KIF25: variants seen among roughly 807,000 people sequenced by gnomAD.
The protein encoded by KIF25 is kinesin family member 25.
Under a neutral mutation model 32.9 loss-of-function variants are expected in KIF25, and 19 were observed. The observed-to-expected ratio is 0.58, with a 90% CI of 0.40 to 0.85. The LOEUF is 0.85. Ranked by LOEUF, KIF25 falls within the 40% of genes least tolerant of loss-of-function variation. The probability of loss-of-function intolerance (pLI) is 0.00; values close to 1 mark genes in which losing one functional copy is unlikely to be tolerated. For missense variants in KIF25, 485 were observed against 507.0 expected (o/e 0.96, Z 0.42); for synonymous variants, 225 against 213.7 (o/e 1.05, Z -0.46).
At position 168,030,507 on chromosome 6, in the gene KIF25, CCCTT is replaced by C. The variant is rs758117773; in HGVS notation, c.93-249_93-246del. On this transcript the variant is annotated intron_variant, in intron 6 of 12. Coordinates refer to ENST00000643607, the MANE Select transcript of KIF25 (RefSeq NM_030615.4). ...TCCCGCTCTTCCCTCCCTTCCCCTT[CCCTT>C]CCTTCCTTCCTTCCTTTCTTGCAAG... 1.3e-3 allele frequency: 201 copies of C among 152,224 alleles called. 1 individual carries two copies. Among genetic ancestry groups the C allele is most frequent in the Admixed American group, 2.7e-3 (40 of 14,556 alleles). The allele number at this position is 152,224 out of a possible 1,614,324, so 9.4% of individuals were successfully genotyped here. A position where few individuals can be genotyped will look rare whatever the true frequency, so the allele number is the denominator to read the frequency against.
chr6:168,030,802 C>T lies in KIF25; in HGVS notation c.122C>T (p.Ala41Val), dbSNP rs199956268. 65 of 1,613,216 alleles carry T rather than the reference C, an allele frequency of 4.0e-5. No individual in the cohort carries two copies. The highest frequency in any genetic ancestry group is 5.3e-5 in the Non-Finnish European group (63 of 1,179,662). Residue 41 changes from alanine (A) to valine (V), a missense_variant, in exon 7 of 13, where the codon GCG becomes GTG. This residue lies in a region of KIF25 where 480 missense variants were observed against 470.3 expected (regional missense o/e 1.02). Coordinates refer to ENST00000643607, the MANE Select transcript of KIF25 (RefSeq NM_030615.4). ...RVYGPAESQS[A>V]VFGDVCPLLT... ...TATGGTCCAGCAGAGTCTCAGAGCGCGGTCTTTGGAGATGTGTGCCCCCTA... is the reference window on the plus strand; with the variant it reads ...TATGGTCCAGCAGAGTCTCAGAGCGTGGTCTTTGGAGATGTGTGCCCCCTA...
chr6:168,021,464 G>C (rs1030795466), intron 5 of KIF25, among the ~76,000 whole-genome samples: 1 of 152,224 alleles, frequency 6.6e-6, no homozygotes, highest in African/African-American at 2.4e-5. Context: ...TTTACATACT[G>C]TGCTAACCTA....
chr6:168,029,958 G>A (rs1798918335), intron 6 of KIF25, among the ~76,000 whole-genome samples: 1 of 152,138 alleles, frequency 6.6e-6, no homozygotes, highest in Non-Finnish European at 1.5e-5. Context: ...ACTTGAAAAT[G>A]AAGGAAGGAA....
rs567264010 is a variant in KIF25, at chr6:168,002,321, G to A, written c.-369-222G>A. On this transcript the variant is annotated intron_variant, in intron 2 of 12. Coordinates refer to ENST00000643607, the MANE Select transcript of KIF25 (RefSeq NM_030615.4). ...GGCAGGTGAGAAAGACACCTGAGGC[G>A]TGGCCTCGGGCAGGTGAGAAGACAC... Among the ~76,000 whole-genome samples the A allele has an allele frequency of 4.4e-4, 64 of 146,940 alleles. No individual in the cohort carries two copies. In the South Asian group the frequency reaches 7.9e-3, roughly 18 times the overall value.
intron 8 of KIF25, among the ~76,000 whole-genome samples, chr6:168,037,399 G>T (rs763447266): frequency 6.6e-6 from 1 of 152,152 alleles, no homozygotes; most frequent in Admixed American, 6.5e-5. Context: ...AGGACTTCCC[G>T]CCCGGTTCTC....
chr6:168,043,322 T>C (rs988385991), intron 12 of KIF25, among the ~76,000 whole-genome samples: 1 of 151,688 alleles, frequency 6.6e-6, no homozygotes, highest in Admixed American at 6.6e-5. Flanking sequence ...GCAGGCAGAG[T>C]CCCCCAGAGG....
Position 168,044,317 on chromosome 6 carries a change from C to T in KIF25, c.986-510C>T, listed in dbSNP as rs377692791. 2.0e-3 allele frequency among the ~76,000 whole-genome samples: 271 copies of T among 137,142 alleles called. 4 individuals carry two copies. Among genetic ancestry groups the T allele is most frequent in the African/African-American group, 7.7e-3 (262 of 34,220 alleles). 90.0% of individuals were successfully genotyped at this position (137,142 alleles called of 152,430 possible). A position where few individuals can be genotyped will look rare whatever the true frequency, so the allele number is the denominator to read the frequency against. On this transcript the variant is annotated intron_variant, in intron 12 of 12. Transcript: ENST00000643607. The stretch of plus-strand genomic sequence containing the variant: ...GGTGAGGGATGCTAGTGACCGGCTG[C>T]TGACCCTCCCGGAGGGTGAGGGGTG...
intron 5 of KIF25, 56 bp from the exon 6 acceptor site, chr6:168,029,436 T>C (rs1433180214): frequency 2.4e-5 from 30 of 1,230,778 alleles, no homozygotes; most frequent in Middle Eastern, 5.8e-4. Flanking sequence ...CTAACATTCA[T>C]GTTAAGGCAT....
chr6:168,035,187 G>T (rs1798998394), intron 8 of KIF25, among the ~76,000 whole-genome samples: 1 of 151,692 alleles, frequency 6.6e-6, no homozygotes, highest in African/African-American at 2.4e-5. Flanking sequence ...TGAGAGCGGG[G>T]ACACCACGGT....
At chr6:168,003,206 T>C (rs766622927) in intron 3 of KIF25, among the ~76,000 whole-genome samples, 1 of 151,650 alleles carries the variant, frequency 6.6e-6, no homozygotes, top group African/African-American at 2.4e-5. Context: ...TCCCATGCAA[T>C]GCAGACAGGG....
chr6:167,999,029 G>A (rs1260798316), intron 1 of KIF25, 63 bp from the exon 2 acceptor site: 1 of 152,252 alleles, frequency 6.6e-6, no homozygotes, highest in Non-Finnish European at 1.5e-5. Context: ...TCCAGCCTGG[G>A]CGACAGAGCA....
chr6:168,043,243 C>G (rs182634341), intron 12 of KIF25, among the ~76,000 whole-genome samples: 3 of 152,178 alleles, frequency 2.0e-5, no homozygotes, highest in South Asian at 2.1e-4. Flanking sequence ...CCCCCTCCCC[C>G]GACTCAGACT....
chr6:168,042,247 G>A, intron 11 of KIF25, 96 bp downstream of exon 11: 3 of 1,275,388 alleles, frequency 2.4e-6, no homozygotes, highest in Non-Finnish European at 3.2e-6. Flanking sequence ...GGGAAGCTCT[G>A]GGCGAGCCAG....
chr6:168,003,992 GATATAA>G (rs1798540258), intron 4 of KIF25, among the ~76,000 whole-genome samples: 1 of 152,172 alleles, frequency 6.6e-6, no homozygotes, highest in Admixed American at 6.5e-5. Flanking sequence ...CAGGAAAAGA[GATATAA>G]ATATAAAATC....
intron 11 of KIF25, 51 bp from the exon 12 acceptor site, chr6:168,042,510 C>T (rs73260902): frequency 0.023 from 36,267 of 1,578,540 alleles, 1,126 homozygotes; most frequent in African/African-American, 0.12. Flanking sequence ...TTTGCTTTTC[C>T]TGCCTCCTTT....
chr6:168,043,370 C>A (rs1306744095), intron 12 of KIF25, among the ~76,000 whole-genome samples: 1 of 152,170 alleles, frequency 6.6e-6, no homozygotes, highest in Non-Finnish European at 1.5e-5. Flanking sequence ...TGAGAAACGG[C>A]CACTGCAGGA....
intron 3 of KIF25, among the ~76,000 whole-genome samples, chr6:168,003,188 G>T (rs756192077): frequency 6.6e-6 from 1 of 152,146 alleles, no homozygotes; most frequent in Non-Finnish European, 1.5e-5. Flanking sequence ...CTGGAGTATG[G>T]ATGACTCTCC....
rs1195872951 is a variant in KIF25 at position 168,042,624 on chromosome 6, C to A, written c.893C>A (p.Ala298Asp). 6.2e-7 allele frequency: 1 copy of A among 1,613,966 alleles called. No homozygotes were observed. The highest frequency in any genetic ancestry group is 2.2e-5 in the East Asian group (1 of 44,880). Residue 298 changes from alanine (A) to aspartate (D), a missense_variant, in exon 12 of 13, where the codon GCC becomes GAC. This residue lies in a region of KIF25 where 480 missense variants were observed against 470.3 expected (regional missense o/e 1.02). Transcript: ENST00000643607. Reference sequence around the variant, plus strand: ...GCGTGCATCAGCCGCAGCCTTGCGGCCCTGGCAGGCGTCCTGGGGGCTTTG... The same window carrying A: ...GCGTGCATCAGCCGCAGCCTTGCGGACCTGGCAGGCGTCCTGGGGGCTTTG... ...EMACISRSLA[A>D]LAGVLGALLE...
intron 5 of KIF25, among the ~76,000 whole-genome samples, chr6:168,027,454 CAAAAAAA>C (rs757678230): frequency 1.7e-4 from 15 of 88,946 alleles, no homozygotes; most frequent in East Asian, 1.1e-3. Context: ...ACTCTGTCTC[CAAAAAAA>C]AAAAAAAAAA....
Sources: gnomAD v4.1 joint callset for allele counts (sites outside exome capture counted in the v4.1 genomes callset) on GRCh38, gnomAD v4.1.1 for gene constraint, gnomAD v4.1.1 regional missense constraint, MANE v1.5 for transcripts, NCBI Gene and HGNC (gene_info 2026-07-23, HGNC 2026-07-21) for gene names.